The following CDIN1 variants were observed in gnomAD, a reference collection of about 807,000 sequenced individuals.
CDIN1 encodes the protein CDAN1 interacting nuclease 1.
In CDIN1, 33 loss-of-function variants were observed where a neutral mutation model predicts 45.3. The ratio of observed to expected loss-of-function variants is 0.73; its 90% CI spans 0.55 to 0.97. The LOEUF is 0.97. Ranked by LOEUF, CDIN1 falls within the 50% of genes least tolerant of loss-of-function variation. The probability of loss-of-function intolerance (pLI) is 0.00; values close to 1 mark genes in which losing one functional copy is unlikely to be tolerated. For missense variants in CDIN1, 303 were observed against 339.4 expected, an observed-to-expected ratio of 0.89 and a Z score of 0.84; for synonymous variants, 118 against 124.4, an observed-to-expected ratio of 0.95 and a Z score of 0.34.
intron 10 of CDIN1, among the ~76,000 whole-genome samples, chr15:36,737,415 C>T (rs1011447138): frequency 1.7e-4 from 26 of 152,204 alleles, no homozygotes; most frequent in African/African-American, 6.0e-4. Flanking sequence ...AGTGTGCCAC[C>T]GTAATGTGAC....
chr15:36,724,975 A>G (rs2043568726), intron 10 of CDIN1, among the ~76,000 whole-genome samples: 1 of 152,110 alleles, frequency 6.6e-6, no homozygotes, highest in Non-Finnish European at 1.5e-5. Context: ...TGGGAGTTGC[A>G]TTTGTCAAGC....
chr15:36,775,749 A>G (rs963689224), intron 10 of CDIN1, among the ~76,000 whole-genome samples: 7 of 152,200 alleles, frequency 4.6e-5, no homozygotes, highest in Non-Finnish European at 1.0e-4. Context: ...CAAGCGTTTT[A>G]TCTGTTTTCT....
At chr15:36,687,725 A>G (rs928163999) in intron 5 of CDIN1, among the ~76,000 whole-genome samples, 1 of 152,218 alleles carries the variant, frequency 6.6e-6, no homozygotes, top group African/African-American at 2.4e-5. Context: ...AATAACAAGG[A>G]TGCAGAAGAT....
intron 1 of CDIN1, among the ~76,000 whole-genome samples, chr15:36,604,001 T>C (rs1425308037): frequency 1.3e-5 from 2 of 152,228 alleles, no homozygotes; most frequent in African/African-American, 4.8e-5. Flanking sequence ...TCAGTAATTA[T>C]ATATCTGGTT....
chr15:36,594,304 GA>G (rs1434156636), intron 1 of CDIN1, among the ~76,000 whole-genome samples: 1 of 151,976 alleles, frequency 6.6e-6, no homozygotes, highest in Non-Finnish European at 1.5e-5. Flanking sequence ...GTGACACTTT[GA>G]AAAAAAGTTG....
intron 10 of CDIN1, among the ~76,000 whole-genome samples, chr15:36,723,965 A>G (rs1478378797): frequency 6.6e-6 from 1 of 152,222 alleles, no homozygotes; most frequent in Non-Finnish European, 1.5e-5. Context: ...CTGAACACCA[A>G]TTATGTTCAA....
At chr15:36,703,248 TCAGAAAGGG>T (rs2042714728) in intron 8 of CDIN1, among the ~76,000 whole-genome samples, 3 of 124,348 alleles carry the variant, frequency 2.4e-5, no homozygotes, top group Non-Finnish European at 3.3e-5. Context: ...TATATATATA[TCAGAAAGGG>T]ATATATATAT....
intron 10 of CDIN1, among the ~76,000 whole-genome samples, chr15:36,760,529 C>T (rs545163038): frequency 2.0e-5 from 3 of 152,336 alleles, no homozygotes; most frequent in African/African-American, 7.2e-5. Flanking sequence ...ACTTTTAATT[C>T]ATCTCTAAAG....
At chr15:36,680,137 G>A (rs897821825) in intron 5 of CDIN1, among the ~76,000 whole-genome samples, 2 of 152,158 alleles carry the variant, frequency 1.3e-5, no homozygotes, top group Non-Finnish European at 2.9e-5. Context: ...GGATAACAAT[G>A]CATTTTATAG....
chr15:36,594,935 T>C, intron 1 of CDIN1: 1 of 982,126 alleles, frequency 1.0e-6, no homozygotes, highest in Non-Finnish European at 1.2e-6. Context: ...TCATCTGTTT[T>C]TATGAAGTTT....
chr15:36,632,532 G>A (rs994132557), intron 1 of CDIN1, among the ~76,000 whole-genome samples: 1 of 152,158 alleles, frequency 6.6e-6, no homozygotes, highest in Non-Finnish European at 1.5e-5. Context: ...TGCATAATAA[G>A]ATGATCTTTG....
intron 10 of CDIN1, among the ~76,000 whole-genome samples, chr15:36,748,206 C>A (rs1455731344): frequency 6.6e-6 from 1 of 152,118 alleles, no homozygotes; most frequent in East Asian, 1.9e-4. Flanking sequence ...ATAGTGCCTG[C>A]CACATAATAC....
intron 10 of CDIN1, among the ~76,000 whole-genome samples, chr15:36,780,593 G>C (rs2054325602): frequency 6.6e-6 from 1 of 152,116 alleles, no homozygotes; most frequent in Non-Finnish European, 1.5e-5. Context: ...GAAAAACCTT[G>C]AAGAGTTAGG....
chr15:36,729,992 T>A (rs2043781363), intron 10 of CDIN1, among the ~76,000 whole-genome samples: 1 of 152,214 alleles, frequency 6.6e-6, no homozygotes, highest in South Asian at 2.1e-4. Flanking sequence ...TCAAGGTCTA[T>A]GTCAATTATA....
chr15:36,722,993 C>G (rs1440880406), intron 10 of CDIN1, among the ~76,000 whole-genome samples: 2 of 130,408 alleles, frequency 1.5e-5, no homozygotes, highest in Non-Finnish European at 3.5e-5. Context: ...GTGTTTCTCT[C>G]TCCCTTACAT....
chr15:36,608,405 A>G (rs938771371), intron 1 of CDIN1, among the ~76,000 whole-genome samples: 6 of 151,942 alleles, frequency 3.9e-5, no homozygotes, highest in Admixed American at 1.3e-4. Flanking sequence ...TTTGATTTCT[A>G]TTTCCTCAGT....
Position 36,748,901 on chromosome 15 carries a change from A to G in CDIN1, c.716+38940A>G, listed in dbSNP as rs1007564777. ...GGTTGATTTTCCTGTTGCCCCTCCTATCAACTTTAACCTCCAACCTTCTCC... is the reference window on the plus strand; with the variant it reads ...GGTTGATTTTCCTGTTGCCCCTCCTGTCAACTTTAACCTCCAACCTTCTCC... On this transcript the variant is annotated intron_variant, in intron 10 of 10. Transcript: ENST00000566621. 2.6e-5 allele frequency among the ~76,000 whole-genome samples: 4 copies of G among 152,288 alleles called. No individual in the cohort carries two copies. In the South Asian group the frequency reaches 8.3e-4, roughly 32 times the overall value.
intron 1 of CDIN1, among the ~76,000 whole-genome samples, chr15:36,599,751 A>G (rs369996198): frequency 7.2e-4 from 110 of 152,356 alleles, no homozygotes; most frequent in African/African-American, 2.4e-3. Flanking sequence ...GGTCAGCTCC[A>G]CGATGTTCTG....
chr15:36,664,694 C>T lies in CDIN1; in HGVS notation c.346+6789C>T, dbSNP rs543933672. On this transcript the variant is annotated intron_variant, in intron 5 of 10. Transcript: ENST00000566621. Reference sequence around the variant, plus strand: ...CCCAAGTAGCTGGGATTACAGGCGCCCACCACCACGCTTGGCTAATTTTTT... The same window carrying T: ...CCCAAGTAGCTGGGATTACAGGCGCTCACCACCACGCTTGGCTAATTTTTT... Among the ~76,000 whole-genome samples the T allele has an allele frequency of 2.0e-4, 31 of 152,104 alleles. No homozygotes were observed. In the South Asian group the frequency reaches 5.8e-3, roughly 29 times the overall value.
Sources: gnomAD v4.1 joint callset for allele counts (sites outside exome capture counted in the v4.1 genomes callset) on GRCh38, gnomAD v4.1.1 for gene constraint, MANE v1.5 for transcripts, NCBI Gene and HGNC (gene_info 2026-07-23, HGNC 2026-07-21) for gene names.